SNCAIP: variants seen among roughly 807,000 people sequenced by gnomAD.
SNCAIP encodes synuclein alpha interacting protein, also known as synphilin-1.
In SNCAIP, 43 loss-of-function variants were observed where a neutral mutation model predicts 86.7. The observed-to-expected ratio is 0.50, with a 90% CI of 0.39 to 0.64. The LOEUF (loss-of-function observed/expected upper bound fraction) is 0.64. Ranked by LOEUF, SNCAIP falls within the 30% of genes least tolerant of loss-of-function variation. SNCAIP has a pLI of 0.00. For missense variants in SNCAIP, 981 were observed against 1,103.1 expected, an observed-to-expected ratio of 0.89 and a Z score of 1.57; for synonymous variants, 417 against 427.2, an observed-to-expected ratio of 0.98 and a Z score of 0.29.
intron 3 of SNCAIP, among the ~76,000 whole-genome samples, chr5:122,407,184 A>C (rs568185093): frequency 4.7e-4 from 72 of 152,314 alleles, no homozygotes; most frequent in African/African-American, 1.7e-3. Context: ...AAGAGGCAAC[A>C]TGAGAGACTG....
intron 1 of SNCAIP, among the ~76,000 whole-genome samples, chr5:122,345,705 G>A (rs1208716576): frequency 1.3e-5 from 2 of 152,046 alleles, no homozygotes; most frequent in Non-Finnish European, 2.9e-5. Flanking sequence ...TGTTGTTGTT[G>A]TTGTTTTAGA....
intron 1 of SNCAIP, among the ~76,000 whole-genome samples, chr5:122,367,887 C>A (rs1042577269): frequency 3.3e-5 from 5 of 151,966 alleles, no homozygotes; most frequent in South Asian, 4.1e-4. Context: ...TATATACATA[C>A]AAACACACAT....
chr5:122,344,130 A>G (rs1211430238), intron 1 of SNCAIP, among the ~76,000 whole-genome samples: 1 of 152,060 alleles, frequency 6.6e-6, no homozygotes, highest in African/African-American at 2.4e-5. Context: ...TGAATTGTTT[A>G]TTGTTCTCCT....
At chr5:122,454,554 C>G (rs2153013880) in intron 10 of SNCAIP, 1 of 152,776 alleles carries the variant, frequency 6.5e-6, no homozygotes, top group East Asian at 1.9e-4. Context: ...CATTCCCCTC[C>G]TAGACCTTGG....
chr5:122,376,905 C>G (rs769074709), intron 1 of SNCAIP, among the ~76,000 whole-genome samples: 3 of 152,118 alleles, frequency 2.0e-5, no homozygotes, highest in Admixed American at 6.6e-5. Flanking sequence ...ATCTTTTCAG[C>G]TGGGAGGCCG....
intron 10 of SNCAIP, among the ~76,000 whole-genome samples, chr5:122,454,967 T>A (rs1457706264): frequency 1.3e-5 from 2 of 152,226 alleles, no homozygotes; most frequent in South Asian, 2.1e-4. Flanking sequence ...ACACTTTCCT[T>A]CTCTAAGCTT....
chr5:122,337,989 T>A (rs1385833124), intron 1 of SNCAIP, among the ~76,000 whole-genome samples: 1 of 152,208 alleles, frequency 6.6e-6, no homozygotes, highest in Non-Finnish European at 1.5e-5. Context: ...TCTTCCATAA[T>A]ATAAAAAGGA....
chr5:122,356,767 G>T (rs1761094544), intron 1 of SNCAIP, among the ~76,000 whole-genome samples: 1 of 152,108 alleles, frequency 6.6e-6, no homozygotes, highest in Non-Finnish European at 1.5e-5. Flanking sequence ...TGTCACCAAA[G>T]CCTGTTGGCT....
chr5:122,451,280 C>T lies in SNCAIP; in HGVS notation c.2433C>T (p.Asn811=). ...CTTCCAAGCGTAGGACATCTCAGAA[C>T]TTAAAACTGAGAGTTACCTTTGAGG... ...SPSSKRRTSQ[N]LKLRVTFEEP... The change falls in exon 10 of 11, where the codon AAC becomes AAT. Residue 811 remains asparagine (N), a synonymous_variant. Transcript: ENST00000261368. The T allele has an allele frequency of 6.2e-7, 1 of 1,614,118 alleles. No individual in the cohort carries two copies. The highest frequency in any genetic ancestry group is 8.5e-7 in the Non-Finnish European group (1 of 1,179,994).
chr5:122,318,698 A>G (rs759604224), intron 1 of SNCAIP, among the ~76,000 whole-genome samples: 1 of 152,180 alleles, frequency 6.6e-6, no homozygotes, highest in Non-Finnish European at 1.5e-5. Flanking sequence ...AGTTTTCTCA[A>G]TGGTTTATAT....
chr5:122,383,814 CAG>C (rs1767512743), intron 1 of SNCAIP, among the ~76,000 whole-genome samples: 1 of 152,168 alleles, frequency 6.6e-6, no homozygotes, highest in African/African-American at 2.4e-5. Flanking sequence ...TTTTCTAAAA[CAG>C]TGCCATCTTC....
chr5:122,333,181 A>G (rs570536272), intron 1 of SNCAIP, among the ~76,000 whole-genome samples: 156 of 152,344 alleles, frequency 1.0e-3, no homozygotes, highest in Non-Finnish European at 1.4e-3. Flanking sequence ...CTTCCCAGCA[A>G]AAGGTGAAGC....
chr5:122,386,657 A>C (rs1768192958), intron 1 of SNCAIP, among the ~76,000 whole-genome samples: 1 of 152,168 alleles, frequency 6.6e-6, no homozygotes, highest in African/African-American at 2.4e-5. Context: ...TCTGCACAGC[A>C]TATAGTTCTC....
At chr5:122,433,112 AGTGTGTGTGTGTGTGTGTGTGTGT>A (rs34711914) in intron 6 of SNCAIP, among the ~76,000 whole-genome samples, 1 of 147,708 alleles carries the variant, frequency 6.8e-6, no homozygotes, top group East Asian at 2.0e-4. Context: ...AACTTCTAGT[AGTGTGTGTGTGTGTGTGTGTGTGT>A]GTGTGTGTGT....
At chr5:122,357,275 T>G (rs913265148) in intron 1 of SNCAIP, among the ~76,000 whole-genome samples, 1 of 152,034 alleles carries the variant, frequency 6.6e-6, no homozygotes, top group Non-Finnish European at 1.5e-5. Flanking sequence ...TTGCTCTGTT[T>G]CCCAGGCTGG....
At position 122,419,966 on chromosome 5, in the gene SNCAIP, A is replaced by G. The variant is rs147805372; in HGVS notation, c.131-2902A>G. ...AGGAATTGAATTTTGTCTTTTGTATATAGCACAAAGTTGCCCTTCTTCCCA... is the reference window on the plus strand; with the variant it reads ...AGGAATTGAATTTTGTCTTTTGTATGTAGCACAAAGTTGCCCTTCTTCCCA... On this transcript the variant is annotated intron_variant, in intron 3 of 10. Coordinates refer to ENST00000261368, the MANE Select transcript of SNCAIP (RefSeq NM_005460.4). 2.0e-5 allele frequency among the ~76,000 whole-genome samples: 3 copies of G among 152,194 alleles called. 1 individual carries two copies. The South Asian group carries it at 6.2e-4, about 31-fold the overall frequency.
At chr5:122,437,040 A>G (rs1779652296) in intron 6 of SNCAIP, 1 of 152,210 alleles carries the variant, frequency 6.6e-6, no homozygotes, top group African/African-American at 2.4e-5. Flanking sequence ...AGAAATCTTC[A>G]TCCATGTGAC....
chr5:122,440,828 A>T, intron 7 of SNCAIP, 74 bp downstream of exon 7: 1 of 1,347,984 alleles, frequency 7.4e-7, no homozygotes, highest in South Asian at 1.2e-5. Flanking sequence ...AATTATGTTC[A>T]CTAGGAGAAT....
At position 122,427,375 on chromosome 5, in the gene SNCAIP, TG is replaced by T. The variant is rs1242316388; in HGVS notation, c.1182+1845del. On this transcript the variant is annotated intron_variant, in intron 5 of 10. Transcript: ENST00000261368. Reference sequence around the variant, plus strand: ...ATCAGTGTGCAAACTTAAACAGCAGTGTTTTTTTTTTTTTCATTTTAATGAA... The same window carrying T: ...ATCAGTGTGCAAACTTAAACAGCAGTTTTTTTTTTTTTTCATTTTAATGAA... 2.4e-3 allele frequency among the ~76,000 whole-genome samples: 245 copies of T among 101,618 alleles called. 1 individual carries two copies. Among genetic ancestry groups the T allele is most frequent in the African/African-American group, 8.0e-3 (235 of 29,330 alleles). The allele number at this position is 101,618 out of a possible 152,430, so 66.7% of individuals were successfully genotyped here.
Sources: allele counts gnomAD v4.1 joint callset (sites outside exome capture counted in the v4.1 genomes callset), GRCh38; gene constraint gnomAD v4.1.1; transcripts MANE v1.5; gene names NCBI Gene and HGNC (gene_info 2026-07-23, HGNC 2026-07-21).